Variants in DNAJC18 observed in about 807,000 individuals in gnomAD.
The protein encoded by DNAJC18 is dnaJ homolog subfamily C member 18.
A neutral mutation model predicts 48.6 loss-of-function variants in DNAJC18; 40 were observed. The observed-to-expected ratio is 0.82, with a 90% CI of 0.64 to 1.07. The LOEUF is 1.07. Among genes scored for constraint, DNAJC18 ranks in the 50% least tolerant of loss-of-function variants. The pLI, the probability that DNAJC18 is intolerant of heterozygous loss-of-function variation, is 0.00. For missense variants in DNAJC18, 340 were observed against 427.7 expected (o/e 0.79, Z 1.81); for synonymous variants, 135 against 152.2 (o/e 0.89, Z 0.83).
intron 1 of DNAJC18, among the ~76,000 whole-genome samples, chr5:139,438,211 G>A (rs1349654206): frequency 1.3e-5 from 2 of 151,962 alleles, no homozygotes; most frequent in African/African-American, 2.4e-5. Flanking sequence ...AGCTACTCGG[G>A]AGGCTGAGGC....
Position 139,425,051 on chromosome 5 carries a change from T to C in DNAJC18, c.623A>G (p.His208Arg). The change falls in exon 5 of 8, where the codon CAT becomes CGT. Residue 208 changes from histidine (H) to arginine (R), a missense_variant. Physicochemically the swap from His to Arg is conservative, Grantham distance 29. Coordinates refer to ENST00000302060, the MANE Select transcript of DNAJC18 (RefSeq NM_152686.4). Reference sequence around the variant, plus strand: ...CTCCTTCTGAGTCTGTGTCCTCTCATGTCGGTGCCGTCGACGGTAATAGTA... The same window carrying C: ...CTCCTTCTGAGTCTGTGTCCTCTCACGTCGGTGCCGTCGACGGTAATAGTA... The part of the protein sequence containing the change: ...DTYYYRRRHR[H>R]ERTQTQKEEE... 6.2e-7 allele frequency: 1 copy of C among 1,613,522 alleles called. No individual in the cohort carries two copies. The highest frequency in any genetic ancestry group is 1.1e-5 in the South Asian group (1 of 91,086).
intron 7 of DNAJC18, among the ~76,000 whole-genome samples, chr5:139,417,109 G>A (rs1759080426): frequency 6.6e-6 from 1 of 151,070 alleles, no homozygotes; most frequent in Non-Finnish European, 1.5e-5. Context: ...AGAATCGCTT[G>A]AACCTGGGAG....
Position 139,439,352 on chromosome 5 carries a change from C to T in DNAJC18, c.40+54G>A. 6.2e-7 allele frequency: 1 copy of T among 1,613,430 alleles called. No individual in the cohort carries two copies. Among genetic ancestry groups the T allele is most frequent in the South Asian group, 1.1e-5 (1 of 91,042 alleles). Reference sequence around the variant, plus strand: ...CCTTGTGCGTCTTCAGGATCCTCATCCCTGATCTCTCCCGAAGGCCGCCCT... The same window carrying T: ...CCTTGTGCGTCTTCAGGATCCTCATTCCTGATCTCTCCCGAAGGCCGCCCT... On this transcript the variant is annotated intron_variant, in intron 1 of 7. Coordinates refer to ENST00000302060, the MANE Select transcript of DNAJC18 (RefSeq NM_152686.4). This position sits in a 1 kb window ranked among gnomAD's most constrained non-coding sequence, Gnocchi z 4.1.
chr5:139,416,942 A>T (rs983975727), intron 7 of DNAJC18, among the ~76,000 whole-genome samples: 1 of 152,218 alleles, frequency 6.6e-6, no homozygotes, highest in Non-Finnish European at 1.5e-5. Flanking sequence ...TAATCCCAGC[A>T]CTTCGGAGGC....
chr5:139,421,143 T>C (rs932943189), intron 6 of DNAJC18, among the ~76,000 whole-genome samples: 1 of 152,150 alleles, frequency 6.6e-6, no homozygotes, highest in Non-Finnish European at 1.5e-5. Flanking sequence ...ATCAGGCCAG[T>C]GTGGCCTGAT....
chr5:139,424,717 CAAAAAAAAAAAAAAA>C (rs70982777), intron 5 of DNAJC18, among the ~76,000 whole-genome samples: 3 of 23,100 alleles, frequency 1.3e-4, no homozygotes, highest in Admixed American at 8.2e-4. Flanking sequence ...GACCCTCTCT[CAAAAAAAAAAAAAAA>C]AAAAAAAAAA....
Position 139,437,363 on chromosome 5 carries a change from C to A in DNAJC18, c.227+9G>T. Reference sequence around the variant, plus strand: ...TAAAATCACTCATTTAATCTCACCACATGCTCACCTTTGTACCCCAAGCAG... The same window carrying A: ...TAAAATCACTCATTTAATCTCACCAAATGCTCACCTTTGTACCCCAAGCAG... On this transcript the variant is annotated intron_variant, in intron 2 of 7. Transcript: ENST00000302060. 2 of 1,598,220 alleles carry A rather than the reference C, an allele frequency of 1.3e-6. No individual in the cohort carries two copies. Among genetic ancestry groups the A allele is most frequent in the Non-Finnish European group, 1.7e-6 (2 of 1,173,002 alleles).
intron 2 of DNAJC18, among the ~76,000 whole-genome samples, chr5:139,432,072 G>C (rs1267542982): frequency 1.3e-5 from 2 of 151,920 alleles, no homozygotes; most frequent in Non-Finnish European, 2.9e-5. Context: ...TTATTGTTGA[G>C]TTTTAAGAGA....
chr5:139,435,150 C>A (rs569584997), intron 2 of DNAJC18, among the ~76,000 whole-genome samples: 1 of 151,996 alleles, frequency 6.6e-6, no homozygotes, highest in Non-Finnish European at 1.5e-5. Flanking sequence ...CACAAGGTCA[C>A]GAGACCATCC....
chr5:139,422,200 G>T (rs544125655), intron 6 of DNAJC18, among the ~76,000 whole-genome samples: 48 of 152,164 alleles, frequency 3.2e-4, no homozygotes, highest in African/African-American at 1.1e-3. Flanking sequence ...TCAACTGAAA[G>T]AATTAATTGA....
rs912143874 is a variant in DNAJC18, at chr5:139,413,898, C to T, written c.*250G>A. On this transcript the variant is annotated 3_prime_UTR_variant, in exon 8 of 8. Transcript: ENST00000302060. ...GCAGGGTAGGCATGGAGCAGGGAGA[C>T]GGAATCCAATGCCTTGCCATTAATT... 18 of 462,832 alleles carry T rather than the reference C, an allele frequency of 3.9e-5. No homozygotes were observed. The highest frequency in any genetic ancestry group is 2.3e-4 in the South Asian group (8 of 35,092). 28.7% of individuals were successfully genotyped at this position (462,832 alleles called of 1,614,324 possible). A position where few individuals can be genotyped will look rare whatever the true frequency, so the allele number is the denominator to read the frequency against.
chr5:139,411,411 C>T lies in DNAJC18; in HGVS notation c.*2737G>A, dbSNP rs2152081604. On this transcript the variant is annotated 3_prime_UTR_variant, in exon 8 of 8. Coordinates refer to ENST00000302060, the MANE Select transcript of DNAJC18 (RefSeq NM_152686.4). Reference sequence around the variant, plus strand: ...CAATCTGCAGTAATGCTCAAAGAAACAGTCTAGAGCTGGGTGCCAAGCTCC... The same window carrying T: ...CAATCTGCAGTAATGCTCAAAGAAATAGTCTAGAGCTGGGTGCCAAGCTCC... The T allele has an allele frequency of 6.6e-6, 1 of 152,318 alleles. No homozygotes were observed. The highest frequency in any genetic ancestry group is 1.5e-5 in the Non-Finnish European group (1 of 68,022). The allele number at this position is 152,318 out of a possible 1,614,324, so 9.4% of individuals were successfully genotyped here.
In DNAJC18 at chr5:139,426,471, G is replaced by A. The variant is rs2152084045; in HGVS notation, c.374-114C>T. ...GACTCGTGCTGGACAACTTCGCAGG[G>A]GCCCAAGAAGAGATGCTTGGGCCTA... On this transcript the variant is annotated intron_variant, in intron 3 of 7. Transcript: ENST00000302060. 4 of 1,284,818 alleles carry A rather than the reference G, an allele frequency of 3.1e-6. No individual in the cohort carries two copies. The African/African-American group carries it at 4.5e-5, about 14-fold the overall frequency. The allele number at this position is 1,284,818 out of a possible 1,614,324, so 79.6% of individuals were successfully genotyped here.
At position 139,439,346 on chromosome 5, in the gene DNAJC18, C is replaced by T; in HGVS notation, c.40+60G>A. The T allele has an allele frequency of 6.2e-7, 1 of 1,612,304 alleles. No individual in the cohort carries two copies. Among genetic ancestry groups the T allele is most frequent in the East Asian group, 2.2e-5 (1 of 44,864 alleles). ...CTCAGCCCTTGTGCGTCTTCAGGAT[C>T]CTCATCCCTGATCTCTCCCGAAGGC... On this transcript the variant is annotated intron_variant, in intron 1 of 7. Transcript: ENST00000302060. This position sits in a 1 kb window ranked among gnomAD's most constrained non-coding sequence, Gnocchi z 4.1.
chr5:139,439,385 C>T lies in DNAJC18; in HGVS notation c.40+21G>A. The stretch of plus-strand genomic sequence containing the variant: ...TCTCCCGAAGGCCGCCCTATCCCTC[C>T]TTCAGGCGGGGACCTAGTACCTTCC... On this transcript the variant is annotated intron_variant, in intron 1 of 7. Coordinates refer to ENST00000302060, the MANE Select transcript of DNAJC18 (RefSeq NM_152686.4). This position sits in a 1 kb window ranked among gnomAD's most constrained non-coding sequence, Gnocchi z 4.1. The T allele has an allele frequency of 6.2e-7, 1 of 1,614,172 alleles. No individual in the cohort carries two copies. Among genetic ancestry groups the T allele is most frequent in the Non-Finnish European group, 8.5e-7 (1 of 1,180,030 alleles).
chr5:139,433,191 T>C (rs1346867147), intron 2 of DNAJC18, among the ~76,000 whole-genome samples: 1 of 152,198 alleles, frequency 6.6e-6, no homozygotes, highest in African/African-American at 2.4e-5. Flanking sequence ...AAGTGCAATG[T>C]TTTCTTACCT....
chr5:139,419,781 G>T (rs1561998130), intron 7 of DNAJC18, among the ~76,000 whole-genome samples: 1 of 152,168 alleles, frequency 6.6e-6, no homozygotes, highest in South Asian at 2.1e-4. Context: ...GGGCAGATTG[G>T]CAGAGAGAGG....
chr5:139,425,657 AAG>A (rs1315099712), intron 4 of DNAJC18, among the ~76,000 whole-genome samples: 1 of 152,182 alleles, frequency 6.6e-6, no homozygotes, highest in Non-Finnish European at 1.5e-5. Context: ...GAAAGGCTAG[AAG>A]AGAGAGAGCA....
At chr5:139,432,880 AT>A (rs1759352299) in intron 2 of DNAJC18, among the ~76,000 whole-genome samples, 2 of 152,222 alleles carry the variant, frequency 1.3e-5, no homozygotes, top group South Asian at 4.1e-4. Flanking sequence ...GAGTTAGCCT[AT>A]CCCTTCCTGC....
Sources: gnomAD v4.1 joint callset for allele counts (sites outside exome capture counted in the v4.1 genomes callset) on GRCh38, gnomAD v4.1.1 for gene constraint, Gnocchi (gnomAD v3.1) non-coding constraint, MANE v1.5 for transcripts, NCBI Gene and HGNC (gene_info 2026-07-23, HGNC 2026-07-21) for gene names.